The following STXBP5L variants were observed in gnomAD, a reference collection of about 807,000 sequenced individuals.
The protein encoded by STXBP5L is syntaxin-binding protein 5-like.
In STXBP5L, 65 loss-of-function variants were observed where a neutral mutation model predicts 144.5. The observed-to-expected ratio is 0.45, with a 90% CI of 0.37 to 0.55. STXBP5L has a LOEUF of 0.55. Among genes scored for constraint, STXBP5L ranks in the 20% least tolerant of loss-of-function variants. The probability of loss-of-function intolerance (pLI) is 0.00; values close to 1 mark genes in which losing one functional copy is unlikely to be tolerated. For synonymous variants in STXBP5L, 505 were observed against 469.6 expected (o/e 1.08, Z -0.97); for missense variants, 1,298 against 1,405.5 (o/e 0.92, Z 1.22).
intron 3 of STXBP5L, among the ~76,000 whole-genome samples, chr3:120,992,880 T>C (rs1943039260): frequency 6.6e-6 from 1 of 152,144 alleles, no homozygotes. Flanking sequence ...ACCTTAATAT[T>C]GTTTTCTGTA....
chr3:121,097,591 C>T (rs984230129), intron 5 of STXBP5L, among the ~76,000 whole-genome samples: 9 of 152,156 alleles, frequency 5.9e-5, no homozygotes, highest in Non-Finnish European at 1.0e-4. Context: ...TCTTGCACTT[C>T]CTGGGTGAGG....
intron 20 of STXBP5L, among the ~76,000 whole-genome samples, chr3:121,329,426 G>A (rs950912371): frequency 3.3e-5 from 5 of 152,146 alleles, no homozygotes; most frequent in Admixed American, 2.0e-4. Context: ...TTAGAACTGA[G>A]ACAAATCAAT....
intron 20 of STXBP5L, among the ~76,000 whole-genome samples, chr3:121,350,175 A>G (rs1274259522): frequency 6.6e-6 from 1 of 152,120 alleles, no homozygotes; most frequent in East Asian, 1.9e-4. Flanking sequence ...ATGTCTCAGC[A>G]TTTACTTGTC....
At chr3:121,321,344 G>A (rs2043963457) in intron 20 of STXBP5L, among the ~76,000 whole-genome samples, 1 of 152,094 alleles carries the variant, frequency 6.6e-6, no homozygotes, top group Admixed American at 6.6e-5. Context: ...TACTACTTAA[G>A]AATATTGGAA....
intron 5 of STXBP5L, among the ~76,000 whole-genome samples, chr3:121,060,297 C>T (rs571880077): frequency 7.9e-5 from 12 of 152,188 alleles, no homozygotes; most frequent in African/African-American, 1.9e-4. Flanking sequence ...TATGTTGAAC[C>T]GGCCTTGCTT....
rs1576911622 is a variant in STXBP5L, at chr3:121,089,112, A to AG, written c.471-25813_471-25812insG. Reference sequence around the variant, plus strand: ...TATAATAAAAAAAAAAAAAAAAAAAAAAAAAAGAAGCTCCAAGAGGAGAAG... The same window carrying AG: ...TATAATAAAAAAAAAAAAAAAAAAAAGAAAAAAGAAGCTCCAAGAGGAGAAG... On this transcript the variant is annotated intron_variant, in intron 5 of 26. Transcript: ENST00000471454. Among the ~76,000 whole-genome samples, 3 of 113,520 alleles carry AG rather than the reference A, an allele frequency of 2.6e-5. No individual in the cohort carries two copies. The East Asian group carries it at 6.5e-4, about 24-fold the overall frequency. 74.5% of individuals were successfully genotyped at this position (113,520 alleles called of 152,430 possible). A position where few individuals can be genotyped will look rare whatever the true frequency, so the allele number is the denominator to read the frequency against.
intron 9 of STXBP5L, among the ~76,000 whole-genome samples, chr3:121,180,917 AAAG>A (rs1349663796): frequency 3.3e-5 from 5 of 151,698 alleles, no homozygotes; most frequent in Admixed American, 2.0e-4. Context: ...AGAGAAAAGA[AAAG>A]AAAGAGAAAG....
At chr3:120,978,960 G>T (rs547799792) in intron 3 of STXBP5L, among the ~76,000 whole-genome samples, 62 of 152,278 alleles carry the variant, frequency 4.1e-4, no homozygotes, top group African/African-American at 1.2e-3. Context: ...CCTTACTGGG[G>T]GGTGCCTCCC....
chr3:121,358,031 T>C (rs150619896), intron 20 of STXBP5L: 1 of 152,368 alleles, frequency 6.6e-6, no homozygotes, highest in East Asian at 1.9e-4. Context: ...GCACATGAGA[T>C]GTTTTGATTA....
At chr3:121,034,545 C>A (rs1009447236) in intron 3 of STXBP5L, among the ~76,000 whole-genome samples, 1 of 149,710 alleles carries the variant, frequency 6.7e-6, no homozygotes, top group African/African-American at 2.5e-5. Context: ...ATCTATCTAT[C>A]ATCTATCTAT....
chr3:121,224,317 T>A (rs2108293819), intron 11 of STXBP5L, among the ~76,000 whole-genome samples: 1 of 152,288 alleles, frequency 6.6e-6, no homozygotes, highest in South Asian at 2.1e-4. Flanking sequence ...TTTAAATTAT[T>A]TAGTCTCACA....
intron 25 of STXBP5L, among the ~76,000 whole-genome samples, chr3:121,416,298 GA>G: frequency 6.6e-6 from 1 of 151,356 alleles, no homozygotes; most frequent in Admixed American, 6.6e-5. Flanking sequence ...AAAAAGTCTG[GA>G]AAAAAGATTT....
At chr3:121,080,359 C>A (rs1031369691) in intron 5 of STXBP5L, among the ~76,000 whole-genome samples, 1 of 151,994 alleles carries the variant, frequency 6.6e-6, no homozygotes, top group Non-Finnish European at 1.5e-5. Context: ...TTGTTCTATT[C>A]ATCATGTTAG....
At position 120,985,571 on chromosome 3, in the gene STXBP5L, AT is replaced by A. The variant is rs531149488; in HGVS notation, c.287+30541del. ...TTTTTTCACCAACATCAGAGATGAG[AT>A]TTTTTTGACAACTGAGTCAATTTCT... On this transcript the variant is annotated intron_variant, in intron 3 of 26. Transcript: ENST00000471454. Among the ~76,000 whole-genome samples, 464 of 151,840 alleles carry A rather than the reference AT, an allele frequency of 3.1e-3. 3 individuals are homozygous for A. Among genetic ancestry groups the A allele is most frequent in the African/African-American group, 0.01 (433 of 41,482 alleles).
intron 20 of STXBP5L, among the ~76,000 whole-genome samples, chr3:121,327,443 T>C (rs2044184931): frequency 6.6e-6 from 1 of 152,198 alleles, no homozygotes; most frequent in Admixed American, 6.5e-5. Flanking sequence ...GGCTAGGCCA[T>C]CATCTGATCT....
intron 5 of STXBP5L, among the ~76,000 whole-genome samples, chr3:121,051,650 C>G (rs945792508): frequency 6.6e-6 from 1 of 151,962 alleles, no homozygotes; most frequent in African/African-American, 2.4e-5. Context: ...ATCCAAAATT[C>G]ACACCCTAAC....
intron 9 of STXBP5L, among the ~76,000 whole-genome samples, chr3:121,173,866 T>C (rs935577772): frequency 6.6e-6 from 1 of 151,186 alleles, no homozygotes; most frequent in Non-Finnish European, 1.5e-5. Context: ...TTTCTGCTTG[T>C]TAGGAACATT....
chr3:121,244,337 A>G (rs1040029867), intron 14 of STXBP5L, among the ~76,000 whole-genome samples: 13 of 151,978 alleles, frequency 8.6e-5, no homozygotes, highest in African/African-American at 3.1e-4. Context: ...GAACTTGAAA[A>G]TAGGTCACTT....
At chr3:121,184,957 G>C (rs2047314008) in intron 9 of STXBP5L, among the ~76,000 whole-genome samples, 1 of 152,132 alleles carries the variant, frequency 6.6e-6, no homozygotes, top group Non-Finnish European at 1.5e-5. Flanking sequence ...TTCATATCCA[G>C]CCAAATAGTT....
Sources: allele counts gnomAD v4.1 joint callset (sites outside exome capture counted in the v4.1 genomes callset), GRCh38; gene constraint gnomAD v4.1.1; transcripts MANE v1.5; gene names NCBI Gene and HGNC (gene_info 2026-07-23, HGNC 2026-07-21).